CNTNAP2: variants seen among roughly 807,000 people sequenced by gnomAD.
The protein encoded by CNTNAP2 is contactin associated protein 2, also known as contactin-associated protein-like 2.
Under a neutral mutation model 155.2 loss-of-function variants are expected in CNTNAP2, and 98 were observed. The ratio of observed to expected loss-of-function variants is 0.63; its 90% CI spans 0.54 to 0.75. The LOEUF (loss-of-function observed/expected upper bound fraction) is 0.75, where lower values mean the gene tolerates loss of function less well. Among genes scored for constraint, CNTNAP2 ranks in the 30% least tolerant of loss-of-function variants. CNTNAP2 has a pLI of 0.00. For missense variants in CNTNAP2, 1,727 were observed against 1,688.1 expected (o/e 1.02, Z -0.40); for synonymous variants, 651 against 631.2 (o/e 1.03, Z -0.47).
chr7:146,849,129 A>T (rs557973354), intron 3 of CNTNAP2, among the ~76,000 whole-genome samples: 26 of 152,194 alleles, frequency 1.7e-4, no homozygotes, highest in Non-Finnish European at 3.1e-4. Context: ...ATATCCTGTG[A>T]ATCAGTAATG....
chr7:147,938,686 T>C (rs1164475082), intron 14 of CNTNAP2, among the ~76,000 whole-genome samples: 2 of 152,182 alleles, frequency 1.3e-5, no homozygotes, highest in East Asian at 3.9e-4. Flanking sequence ...GTAACTAAAC[T>C]GGTACAATTT....
intron 1 of CNTNAP2, among the ~76,000 whole-genome samples, chr7:146,639,359 A>T (rs1027156885): frequency 6.6e-6 from 1 of 152,166 alleles, no homozygotes; most frequent in Non-Finnish European, 1.5e-5. Flanking sequence ...AATAACTTTC[A>T]AGGAACACAC....
chr7:146,774,387 C>A lies in CNTNAP2; in HGVS notation c.208+6C>A, dbSNP rs746949588. On this transcript the variant is annotated splice_donor_region_variant and intron_variant, in intron 2 of 23. Transcript: ENST00000361727. The stretch of plus-strand genomic sequence containing the variant: ...CAAGATAAACAAGAGAGGAGGTAAG[C>A]CAAATTTTGATTCTTTTATCAATAA... 1.6e-5 allele frequency: 26 copies of A among 1,595,594 alleles called. No individual in the cohort carries two copies. The highest frequency in any genetic ancestry group is 2.1e-5 in the Non-Finnish European group (24 of 1,164,124).
At position 148,217,449 on chromosome 7, in the gene CNTNAP2, ACCAAGGCG is replaced by A. The variant is rs1454999075; in HGVS notation, c.3175_3182del (p.Lys1059LeufsTer40). ...GGAGATCCGCTTCAGCTTCAGCACC[ACCAAGGCG>A]CCCTGCATTCTCCTCTACATCAGCT... On this transcript the variant is annotated frameshift_variant, in exon 19 of 24. Transcript: ENST00000361727. LOFTEE classifies it high-confidence loss of function. 1 of 1,614,152 alleles carries A rather than the reference ACCAAGGCG, an allele frequency of 6.2e-7. No individual in the cohort carries two copies. Among genetic ancestry groups the A allele is most frequent in the East Asian group, 2.2e-5 (1 of 44,884 alleles).
chr7:146,930,188 G>T (rs1186361812), intron 3 of CNTNAP2, among the ~76,000 whole-genome samples: 43 of 152,308 alleles, frequency 2.8e-4, no homozygotes, highest in African/African-American at 9.4e-4. Context: ...CAGCCAGAGA[G>T]AAAGGTCGGG....
chr7:147,038,830 T>A (rs1799207549), intron 3 of CNTNAP2, among the ~76,000 whole-genome samples: 1 of 152,200 alleles, frequency 6.6e-6, no homozygotes, highest in Admixed American at 6.5e-5. Context: ...AGTGCTTTCA[T>A]TGTTAAAAAT....
At chr7:148,037,875 G>A (rs11762325) in intron 15 of CNTNAP2, among the ~76,000 whole-genome samples, 7,399 of 152,192 alleles carry the variant, frequency 0.049, 220 homozygotes, top group South Asian at 0.12. Flanking sequence ...GTGGGACAGC[G>A]ATCCATGTTC....
chr7:147,976,218 G>C (rs371692469), intron 14 of CNTNAP2, among the ~76,000 whole-genome samples: 13 of 152,298 alleles, frequency 8.5e-5, no homozygotes, highest in East Asian at 1.9e-4. Flanking sequence ...CTCTGATTTA[G>C]AGTCATGTAA....
intron 1 of CNTNAP2, among the ~76,000 whole-genome samples, chr7:146,734,128 T>C (rs932960672): frequency 3.9e-5 from 6 of 152,142 alleles, no homozygotes; most frequent in Admixed American, 2.6e-4. Context: ...GTTTTTCCAT[T>C]ACCCAGTACT....
At chr7:146,235,087 T>C (rs977346264) in intron 1 of CNTNAP2, among the ~76,000 whole-genome samples, 1 of 152,174 alleles carries the variant, frequency 6.6e-6, no homozygotes, top group African/African-American at 2.4e-5. Flanking sequence ...GGCAAAGGCA[T>C]GTTATTTTAC....
At chr7:147,618,446 T>A (rs1209353882) in intron 12 of CNTNAP2, among the ~76,000 whole-genome samples, 2 of 152,082 alleles carry the variant, frequency 1.3e-5, no homozygotes, top group Non-Finnish European at 2.9e-5. Context: ...GATTAACAAA[T>A]TGCACATTAA....
intron 9 of CNTNAP2, among the ~76,000 whole-genome samples, chr7:147,364,520 T>A (rs1265735850): frequency 6.6e-6 from 1 of 152,192 alleles, no homozygotes; most frequent in African/African-American, 2.4e-5. Context: ...CCAGACAGTG[T>A]TCACTCATTT....
At chr7:147,271,205 G>T (rs925351812) in intron 8 of CNTNAP2, among the ~76,000 whole-genome samples, 1 of 152,140 alleles carries the variant, frequency 6.6e-6, no homozygotes, top group Non-Finnish European at 1.5e-5. Context: ...TAAGTAAGTT[G>T]ATATTCCTTT....
chr7:148,163,385 A>G (rs1310340744), intron 17 of CNTNAP2, among the ~76,000 whole-genome samples: 1 of 152,148 alleles, frequency 6.6e-6, no homozygotes, highest in Non-Finnish European at 1.5e-5. Flanking sequence ...GAAATAACCA[A>G]TAGTTTACCA....
At chr7:146,979,150 C>T (rs1563029839) in intron 3 of CNTNAP2, among the ~76,000 whole-genome samples, 1 of 152,128 alleles carries the variant, frequency 6.6e-6, no homozygotes, top group Non-Finnish European at 1.5e-5. Context: ...TTGAAGATCT[C>T]CTTAACTCTT....
chr7:146,526,737 A>T (rs1039951104), intron 1 of CNTNAP2, among the ~76,000 whole-genome samples: 4 of 152,132 alleles, frequency 2.6e-5, no homozygotes, highest in African/African-American at 7.2e-5. Flanking sequence ...AATTCTATAG[A>T]AGACAGTGTA....
At chr7:147,420,205 A>G (rs1162448474) in intron 10 of CNTNAP2, among the ~76,000 whole-genome samples, 1 of 152,218 alleles carries the variant, frequency 6.6e-6, no homozygotes, top group Non-Finnish European at 1.5e-5. Context: ...GCATACGGAG[A>G]GGGTCATATG....
chr7:146,722,664 A>G (rs1388643379), intron 1 of CNTNAP2, among the ~76,000 whole-genome samples: 2 of 152,088 alleles, frequency 1.3e-5, no homozygotes, highest in Middle Eastern at 3.4e-3. Context: ...CCAAAATTAC[A>G]ATTATGGGTT....
intron 1 of CNTNAP2, among the ~76,000 whole-genome samples, chr7:146,666,408 G>A (rs1317653641): frequency 1.3e-5 from 2 of 151,958 alleles, no homozygotes; most frequent in Admixed American, 6.6e-5. Context: ...CTTATTGGAC[G>A]CCTAAGTTGA....
Sources: allele counts gnomAD v4.1 joint callset (sites outside exome capture counted in the v4.1 genomes callset), GRCh38; gene constraint gnomAD v4.1.1; transcripts MANE v1.5; gene names NCBI Gene and HGNC (gene_info 2026-07-23, HGNC 2026-07-21).